DGKB: variants seen among roughly 807,000 people sequenced by gnomAD.
The protein encoded by DGKB is 90 kDa diacylglycerol kinase.
DGKB carries 67 observed loss-of-function variants against 114.3 expected under a neutral mutation model. The observed-to-expected ratio is 0.59, with a 90% CI of 0.48 to 0.72. The LOEUF is 0.72. Ranked by LOEUF, DGKB falls within the 30% of genes least tolerant of loss-of-function variation. The pLI is 0.00. For synonymous variants in DGKB, 398 were observed against 323.1 expected (o/e 1.23, Z -2.49); for missense variants, 907 against 975.2 (o/e 0.93, Z 0.93).
intron 14 of DGKB, among the ~76,000 whole-genome samples, chr7:14,626,452 G>A (rs1808607274): frequency 6.6e-6 from 1 of 152,110 alleles, no homozygotes; most frequent in African/African-American, 2.4e-5. Context: ...CTGGAGCTAG[G>A]CCACATGAAT....
At chr7:14,274,313 T>C (rs1223422067) in intron 23 of DGKB, among the ~76,000 whole-genome samples, 3 of 152,146 alleles carry the variant, frequency 2.0e-5, no homozygotes, top group Non-Finnish European at 4.4e-5. Context: ...TTATTTTTTC[T>C]CTCGGCAACG....
At chr7:14,504,528 G>A (rs138733618) in intron 20 of DGKB, among the ~76,000 whole-genome samples, 65 of 152,242 alleles carry the variant, frequency 4.3e-4, no homozygotes, top group African/African-American at 1.5e-3. Flanking sequence ...TTTGCTTTGT[G>A]ATTCACAGAA....
At position 14,855,285 on chromosome 7, in the gene DGKB, T is replaced by C. The variant is rs371942489; in HGVS notation, c.-187-13835A>G. On this transcript the variant is annotated intron_variant, in intron 1 of 25. Coordinates refer to ENST00000402815, the MANE Select transcript of DGKB (RefSeq NM_001350709.2). ...GGAGAGCCTAAATCACACAGTGACA[T>C]TGACTTTCAACTAACAGATTCCTTC... is the stretch of plus-strand genomic sequence containing the variant. Among the ~76,000 whole-genome samples the C allele has an allele frequency of 8.5e-5, 13 of 152,314 alleles. No individual in the cohort carries two copies. In the East Asian group the frequency reaches 1.9e-3, roughly 23 times the overall value.
chr7:14,173,348 CAT>C (rs921873513), intron 25 of DGKB, among the ~76,000 whole-genome samples: 64 of 152,192 alleles, frequency 4.2e-4, no homozygotes, highest in Middle Eastern at 3.4e-3. Context: ...ATATACATAA[CAT>C]AAAATTCACC....
At chr7:14,266,864 A>T (rs1248466200) in intron 23 of DGKB, among the ~76,000 whole-genome samples, 1 of 152,236 alleles carries the variant, frequency 6.6e-6, no homozygotes, top group Non-Finnish European at 1.5e-5. Context: ...ATTAATGATC[A>T]TCACTATGTT....
At chr7:14,831,456 C>T (rs1292021627) in intron 2 of DGKB, among the ~76,000 whole-genome samples, 1 of 151,974 alleles carries the variant, frequency 6.6e-6, no homozygotes, top group Admixed American at 6.6e-5. Flanking sequence ...TATAACTCTC[C>T]TTTGAGCAAA....
rs971170547 is a variant in DGKB at position 14,604,816 on chromosome 7, C to T, written c.1433+2618G>A. ...AACATCATAGCCTGGCCAGAGTCCC[C>T]GTTCTGAGCAACTACCTGTGGCATT... On this transcript the variant is annotated intron_variant, in intron 17 of 25. Transcript: ENST00000402815. 7.2e-5 allele frequency among the ~76,000 whole-genome samples: 11 copies of T among 152,166 alleles called. No homozygotes were observed. The East Asian group carries it at 1.5e-3, about 21-fold the overall frequency.
chr7:14,912,865 G>A (rs558478072), intron 1 of DGKB, among the ~76,000 whole-genome samples: 33 of 152,074 alleles, frequency 2.2e-4, no homozygotes, highest in South Asian at 2.1e-3. Context: ...ATATTGTCTC[G>A]TACAGAAAGC....
At chr7:14,798,153 T>C (rs977692057) in intron 2 of DGKB, among the ~76,000 whole-genome samples, 2 of 151,710 alleles carry the variant, frequency 1.3e-5, no homozygotes, top group African/African-American at 4.8e-5. Context: ...CAAGAGAGAG[T>C]GGGTACGATG....
chr7:14,602,947 C>T (rs921346728), intron 17 of DGKB, among the ~76,000 whole-genome samples: 1 of 151,950 alleles, frequency 6.6e-6, no homozygotes, highest in Non-Finnish European at 1.5e-5. Flanking sequence ...GCTATTTGGC[C>T]TTTGTTGGTG....
chr7:14,798,108 G>A (rs997915273), intron 2 of DGKB, among the ~76,000 whole-genome samples: 3 of 152,214 alleles, frequency 2.0e-5, no homozygotes, highest in South Asian at 2.1e-4. Context: ...AGCATCATTC[G>A]ATTAGTTAAA....
At chr7:14,289,548 G>T (rs1801406917) in intron 23 of DGKB, among the ~76,000 whole-genome samples, 1 of 151,962 alleles carries the variant, frequency 6.6e-6, no homozygotes. Flanking sequence ...CATTAAATCA[G>T]TACATATTTT....
intron 23 of DGKB, among the ~76,000 whole-genome samples, chr7:14,295,552 C>T (rs550100415): frequency 2.5e-4 from 38 of 152,020 alleles, no homozygotes; most frequent in African/African-American, 8.9e-4. Context: ...GCTATGGATC[C>T]TGGAGACTCA....
At chr7:14,423,394 A>G (rs770903659) in intron 21 of DGKB, among the ~76,000 whole-genome samples, 48 of 152,198 alleles carry the variant, frequency 3.2e-4, no homozygotes, top group Middle Eastern at 3.4e-3. Context: ...CTTGAAAATT[A>G]GTAAAATTGT....
rs763248642 is a variant in DGKB, at chr7:14,771,100, G to C, written c.71-13369C>G. Among the ~76,000 whole-genome samples, 111 of 152,098 alleles carry C rather than the reference G, an allele frequency of 7.3e-4. 1 individual carries two copies. Among genetic ancestry groups the C allele is most frequent in the Non-Finnish European group, 7.1e-4 (48 of 67,972 alleles). ...TTTGATTTAGCATGAGCAAAATAAGGGTAGCCACCCCTGGCACCTGGACCC... is the reference window on the plus strand; with the variant it reads ...TTTGATTTAGCATGAGCAAAATAAGCGTAGCCACCCCTGGCACCTGGACCC... On this transcript the variant is annotated intron_variant, in intron 2 of 25. Coordinates refer to ENST00000402815, the MANE Select transcript of DGKB (RefSeq NM_001350709.2).
At chr7:14,514,435 C>T (rs1788454964) in intron 20 of DGKB, among the ~76,000 whole-genome samples, 1 of 152,078 alleles carries the variant, frequency 6.6e-6, no homozygotes, top group African/African-American at 2.4e-5. Flanking sequence ...TAATCAGTTG[C>T]ATTATTTGGA....
chr7:14,392,237 G>T (rs544415949), intron 21 of DGKB, among the ~76,000 whole-genome samples: 1 of 152,166 alleles, frequency 6.6e-6, no homozygotes, highest in South Asian at 2.1e-4. Flanking sequence ...CATATATAGA[G>T]AAATATTATT....
intron 13 of DGKB, among the ~76,000 whole-genome samples, chr7:14,646,558 T>G (rs1563777838): frequency 6.6e-6 from 1 of 152,142 alleles, no homozygotes; most frequent in Non-Finnish European, 1.5e-5. Context: ...CCTCAGGACA[T>G]GGGACATTTG....
intron 21 of DGKB, among the ~76,000 whole-genome samples, chr7:14,365,946 C>A (rs1389003813): frequency 4.6e-5 from 7 of 151,958 alleles, no homozygotes; most frequent in African/African-American, 1.7e-4. Flanking sequence ...GAACCGTCTG[C>A]CCTGATATAA....
Sources: allele counts gnomAD v4.1 joint callset (sites outside exome capture counted in the v4.1 genomes callset), GRCh38; gene constraint gnomAD v4.1.1; transcripts MANE v1.5; gene names NCBI Gene and HGNC (gene_info 2026-07-23, HGNC 2026-07-21).